SNPH: variants seen among roughly 807,000 people sequenced by gnomAD.
SNPH encodes the protein syntaphilin.
A neutral mutation model predicts 36.8 loss-of-function variants in SNPH; 10 were observed. The ratio of observed to expected loss-of-function variants is 0.27; its 90% CI spans 0.17 to 0.46. SNPH has a LOEUF of 0.46. Ranked by LOEUF, SNPH falls within the 20% of genes least tolerant of loss-of-function variation. SNPH has a pLI of 1.00. For missense variants in SNPH, 622 were observed against 744.0 expected, an observed-to-expected ratio of 0.84 and a Z score of 1.91; for synonymous variants, 281 against 312.2, an observed-to-expected ratio of 0.90 and a Z score of 1.05.
intron 2 of SNPH, among the ~76,000 whole-genome samples, chr20:1,289,953 C>T (rs973870735): frequency 1.1e-4 from 16 of 152,004 alleles, no homozygotes; most frequent in East Asian, 5.8e-4. Context: ...CCTGTAATCC[C>T]AGCACTTTGG....
rs576663567 is a variant in SNPH, at chr20:1,299,534, T to C, written c.291-1028T>C. On this transcript the variant is annotated intron_variant, in intron 5 of 6. Coordinates refer to ENST00000381867, the MANE Select transcript of SNPH (RefSeq NM_001318234.2). ...CCCGTGAAAGCCTGGCCCTCCCTCC[T>C]CCACTGGCACCTGACTGCCCTCTGG... 9.1e-4 allele frequency among the ~76,000 whole-genome samples: 138 copies of C among 152,318 alleles called. 2 individuals are homozygous for C. Among genetic ancestry groups the C allele is most frequent in the African/African-American group, 3.2e-3 (133 of 41,570 alleles).
At chr20:1,298,802 A>ATT (rs1238500256) in intron 5 of SNPH, among the ~76,000 whole-genome samples, 34 of 59,862 alleles carry the variant, frequency 5.7e-4, no homozygotes, top group African/African-American at 1.8e-3. Flanking sequence ...TTTTTTTCTA[A>ATT]TTTGTGTGTG....
rs764283957 is a variant in SNPH at position 1,305,189 on chromosome 20, G to A, written c.752G>A (p.Arg251His). Reference sequence around the variant, plus strand: ...GAGTCAGCCGGTGGGTCCCCTGCCCGCTCCCTCACCCGCAGCTCCACCTAC... The same window carrying A: ...GAGTCAGCCGGTGGGTCCCCTGCCCACTCCCTCACCCGCAGCTCCACCTAC... ...TGESAGGSPA[R>H]SLTRSSTYTK... The change falls in exon 7 of 7, where the codon CGC becomes CAC. Residue 251 changes from arginine (R) to histidine (H), a missense_variant. Physicochemically the swap from Arg to His is conservative, Grantham distance 29. Transcript: ENST00000381867. 62 of 1,611,638 alleles carry A rather than the reference G, an allele frequency of 3.8e-5. No homozygotes were observed. Among genetic ancestry groups the A allele is most frequent in the South Asian group, 8.8e-5 (8 of 90,974 alleles).
intron 2 of SNPH, among the ~76,000 whole-genome samples, chr20:1,268,583 C>A (rs2088035248): frequency 6.6e-6 from 1 of 152,156 alleles, no homozygotes; most frequent in Admixed American, 6.5e-5. Context: ...GCTGCTGCAC[C>A]ATTTGGGCCA....
chr20:1,279,618 CTTTT>C (rs1162325274), intron 2 of SNPH, among the ~76,000 whole-genome samples: 1 of 123,072 alleles, frequency 8.1e-6, no homozygotes. Flanking sequence ...ACTCCGGCTT[CTTTT>C]TTTTTTTTTT....
intron 2 of SNPH, among the ~76,000 whole-genome samples, chr20:1,293,227 C>T (rs974180274): frequency 1.3e-5 from 2 of 152,170 alleles, no homozygotes; most frequent in African/African-American, 4.8e-5. Context: ...GCTCCCTGGA[C>T]CCCCATTGTC....
intron 2 of SNPH, among the ~76,000 whole-genome samples, chr20:1,273,655 G>T (rs1011148200): frequency 1.8e-4 from 27 of 152,268 alleles, no homozygotes; most frequent in African/African-American, 6.3e-4. Flanking sequence ...GTTTTAGAGG[G>T]TGGATGGGAA....
intron 2 of SNPH, among the ~76,000 whole-genome samples, chr20:1,290,560 C>T (rs557208935): frequency 3.9e-5 from 6 of 152,336 alleles, no homozygotes; most frequent in South Asian, 4.1e-4. Context: ...ATTGCATAGA[C>T]GCATCACATT....
chr20:1,288,532 G>A (rs1416957282), intron 2 of SNPH, among the ~76,000 whole-genome samples: 1 of 152,206 alleles, frequency 6.6e-6, no homozygotes, highest in Non-Finnish European at 1.5e-5. Context: ...CTCATGGAAA[G>A]GGCTTCTCCT....
chr20:1,296,499 A>G (rs1384218525), intron 4 of SNPH, 78 bp downstream of exon 4: 1 of 1,255,862 alleles, frequency 8.0e-7, no homozygotes, highest in African/African-American at 1.6e-5. Context: ...ACCTGCCACC[A>G]ACTTGCAGTA....
chr20:1,285,763 T>A lies in SNPH; in HGVS notation c.-492-9188T>A, dbSNP rs1203646039. 1.3e-5 allele frequency among the ~76,000 whole-genome samples: 2 copies of A among 152,172 alleles called. No individual in the cohort carries two copies. The highest frequency in any genetic ancestry group is 4.8e-5 in the African/African-American group (2 of 41,432). On this transcript the variant is annotated intron_variant, in intron 2 of 6. Transcript: ENST00000381867. The surrounding 1 kb of genome is among the most constrained non-coding windows in gnomAD (Gnocchi z 4.9). ...AAGCCGTGGTTTCTTTCTGTCGGGT[T>A]AGTCTGCCTGTCAGCAAAAGGGGAA... is the stretch of plus-strand genomic sequence containing the variant.
Position 1,304,182 on chromosome 20 carries a change from T to TA in SNPH, c.441-694dup, listed in dbSNP as rs1265670377. 6.6e-6 allele frequency among the ~76,000 whole-genome samples: 1 copy of TA among 152,108 alleles called. No homozygotes were observed. Among genetic ancestry groups the TA allele is most frequent in the African/African-American group, 2.4e-5 (1 of 41,414 alleles). On this transcript the variant is annotated intron_variant, in intron 6 of 6. Transcript: ENST00000381867. The surrounding 1 kb of genome is among the most constrained non-coding windows in gnomAD (Gnocchi z 4.3). ...GTTGATCTTTTCAGCTTTTCCTCTT[T>TA]AAGATACAAGATACAAGGAGATACA...
chr20:1,270,547 C>T (rs1391186963), intron 2 of SNPH, among the ~76,000 whole-genome samples: 3 of 152,160 alleles, frequency 2.0e-5, no homozygotes, highest in Non-Finnish European at 4.4e-5. Flanking sequence ...CTTGTTGGCT[C>T]CTGTCCTCAT....
rs2088593888 is a variant in SNPH, at chr20:1,307,444, A to C, written c.*1390A>C. On this transcript the variant is annotated 3_prime_UTR_variant, in exon 7 of 7. Transcript: ENST00000381867. ...TGACATTACCATTATTATTTTACCA[A>C]GTAAACTCACTCCTTTTCCCCCACA... is the stretch of plus-strand genomic sequence containing the variant. 1 of 152,276 alleles carries C rather than the reference A, an allele frequency of 6.6e-6. No individual in the cohort carries two copies. The highest frequency in any genetic ancestry group is 1.9e-4 in the East Asian group (1 of 5,188). 9.4% of individuals were successfully genotyped at this position (152,276 alleles called of 1,614,324 possible). A position where few individuals can be genotyped will look rare whatever the true frequency, so the allele number is the denominator to read the frequency against.
Position 1,305,905 on chromosome 20 carries a change from T to C in SNPH, c.1468T>C (p.Ser490Pro). The change falls in exon 7 of 7, where the codon TCC becomes CCC. Residue 490 changes from serine to proline, a missense_variant. Around this residue, in one of 3 missense-constraint regions of SNPH, gnomAD observed 379 missense variants for 427.9 expected, o/e 0.89. Coordinates refer to ENST00000381867, the MANE Select transcript of SNPH (RefSeq NM_001318234.2). ...AVPTVAWLCR[S>P]QRRQGQPIYN... ...GCCCACGGTGGCCTGGCTTTGCCGC[T>C]CCCAGCGGCGCCAGGGCCAGCCCAT... 6.3e-7 allele frequency: 1 copy of C among 1,597,370 alleles called. No homozygotes were observed. Among genetic ancestry groups the C allele is most frequent in the South Asian group, 1.1e-5 (1 of 89,046 alleles).
chr20:1,288,160 G>A (rs1256875891), intron 2 of SNPH, among the ~76,000 whole-genome samples: 1 of 152,240 alleles, frequency 6.6e-6, no homozygotes, highest in Non-Finnish European at 1.5e-5. Flanking sequence ...TGGGCCTGCT[G>A]ATGTCCGCTG....
At chr20:1,291,591 G>A (rs976995893) in intron 2 of SNPH, among the ~76,000 whole-genome samples, 1 of 152,100 alleles carries the variant, frequency 6.6e-6, no homozygotes, top group Non-Finnish European at 1.5e-5. Context: ...CTGTCTGATG[G>A]GTGGAATGTT....
In SNPH at chr20:1,296,227, G is replaced by A. The variant is rs528071855; in HGVS notation, c.-13G>A. The stretch of plus-strand genomic sequence containing the variant: ...CTCCTGGGGTGTCCTGCCGAAGGGT[G>A]AGAAGAGAAGCCATGCCGGGCAGCG... On this transcript the variant is annotated 5_prime_UTR_variant, in exon 4 of 7. Transcript: ENST00000381867. 33 of 1,509,240 alleles carry A rather than the reference G, an allele frequency of 2.2e-5. No individual in the cohort carries two copies. The South Asian group carries it at 3.7e-4, about 17-fold the overall frequency. The allele number at this position is 1,509,240 out of a possible 1,614,324, so 93.5% of individuals were successfully genotyped here. A position where few individuals can be genotyped will look rare whatever the true frequency, so the allele number is the denominator to read the frequency against.
chr20:1,284,756 G>T (rs1414490506), intron 2 of SNPH, among the ~76,000 whole-genome samples: 7 of 152,162 alleles, frequency 4.6e-5, no homozygotes, highest in Admixed American at 2.0e-4. Context: ...GAGTGAATGA[G>T]GGGGAGAGGT....
Sources: allele counts gnomAD v4.1 joint callset (sites outside exome capture counted in the v4.1 genomes callset), GRCh38; gene constraint gnomAD v4.1.1; regional missense constraint gnomAD v4.1.1; non-coding constraint Gnocchi (gnomAD v3.1); transcripts MANE v1.5; gene names NCBI Gene and HGNC (gene_info 2026-07-23, HGNC 2026-07-21).